THRB: variants seen among roughly 807,000 people sequenced by gnomAD.
THRB encodes the protein nuclear receptor subfamily 1 group A member 2.
In THRB, 12 loss-of-function variants were observed where a neutral mutation model predicts 47.8. The ratio of observed to expected loss-of-function variants is 0.25; its 90% CI spans 0.16 to 0.41. THRB has a LOEUF of 0.41. Among genes scored for constraint, THRB ranks in the 10% least tolerant of loss-of-function variants. THRB has a pLI of 1.00. For synonymous variants in THRB, 218 were observed against 212.2 expected (o/e 1.03, Z -0.24); for missense variants, 348 against 589.2 (o/e 0.59, Z 4.24).
intron 5 of THRB, among the ~76,000 whole-genome samples, chr3:24,161,464 G>A (rs1416745622): frequency 2.0e-5 from 3 of 152,046 alleles, no homozygotes; most frequent in Admixed American, 2.0e-4. Context: ...GATAGAGGAA[G>A]AAAGAGATGG....
intron 1 of THRB, among the ~76,000 whole-genome samples, chr3:24,356,309 C>G (rs1348458030): frequency 6.6e-6 from 1 of 152,122 alleles, no homozygotes; most frequent in Non-Finnish European, 1.5e-5. Flanking sequence ...TTCCACCGGA[C>G]AGTCCTAGAC....
chr3:24,347,254 GA>G (rs1281371782), intron 1 of THRB, among the ~76,000 whole-genome samples: 1 of 151,924 alleles, frequency 6.6e-6, no homozygotes, highest in Non-Finnish European at 1.5e-5. Context: ...TGAGTGGAGG[GA>G]AATTTCTATA....
At chr3:24,381,549 T>C (rs951102908) in intron 1 of THRB, among the ~76,000 whole-genome samples, 4 of 152,186 alleles carry the variant, frequency 2.6e-5, no homozygotes, top group Middle Eastern at 3.2e-3. Flanking sequence ...GAACTTACTG[T>C]CTTTATCAAA....
intron 4 of THRB, among the ~76,000 whole-genome samples, chr3:24,196,957 T>C (rs1229366858): frequency 6.6e-6 from 1 of 152,198 alleles, no homozygotes; most frequent in Non-Finnish European, 1.5e-5. Flanking sequence ...CCCTCCAAAC[T>C]TCCATCCCAC....
chr3:24,393,376 T>C (rs1480066076), intron 1 of THRB, among the ~76,000 whole-genome samples: 1 of 152,080 alleles, frequency 6.6e-6, no homozygotes, highest in African/African-American at 2.4e-5. Context: ...GCTCAAAGCC[T>C]TTTTCCAGTC....
At chr3:24,183,877 C>T (rs1323790116) in intron 5 of THRB, among the ~76,000 whole-genome samples, 1 of 152,054 alleles carries the variant, frequency 6.6e-6, no homozygotes, top group Non-Finnish European at 1.5e-5. Flanking sequence ...ATGATAATAA[C>T]ATTAAACAAA....
intron 1 of THRB, among the ~76,000 whole-genome samples, chr3:24,365,426 A>C (rs886264456): frequency 6.6e-6 from 1 of 152,204 alleles, no homozygotes; most frequent in South Asian, 2.1e-4. Context: ...GCTTTTCAAC[A>C]GACTGGAACT....
chr3:24,316,561 A>G (rs2058126142), intron 2 of THRB, among the ~76,000 whole-genome samples: 1 of 151,016 alleles, frequency 6.6e-6, no homozygotes, highest in African/African-American at 2.4e-5. Context: ...TGATGCCCCT[A>G]GAGTCTACAC....
At chr3:24,469,728 A>G (rs2074415264) in intron 1 of THRB, among the ~76,000 whole-genome samples, 1 of 152,264 alleles carries the variant, frequency 6.6e-6, no homozygotes, top group Admixed American at 6.5e-5. Context: ...TAACTTATTT[A>G]GAGAAAAGTG....
intron 4 of THRB, among the ~76,000 whole-genome samples, chr3:24,206,593 T>C (rs1413350423): frequency 1.3e-5 from 2 of 151,906 alleles, no homozygotes; most frequent in Non-Finnish European, 2.9e-5. Flanking sequence ...TTAAAAGAAC[T>C]AGGAGAAGCA....
rs2031929683 is a variant in THRB, at chr3:24,122,833, GA to G, written c.*50del. On this transcript the variant is annotated 3_prime_UTR_variant, in exon 11 of 11. Transcript: ENST00000646209. The stretch of plus-strand genomic sequence containing the variant: ...ACAAAAAAGAGCTAGGCAATGGAAT[GA>G]AATGACACCCAGTAGTGCTGTAGGA... 9 of 1,613,344 alleles carry G rather than the reference GA, an allele frequency of 5.6e-6. No individual in the cohort carries two copies. The highest frequency in any genetic ancestry group is 7.6e-6 in the Non-Finnish European group (9 of 1,179,340).
intron 1 of THRB, among the ~76,000 whole-genome samples, chr3:24,345,492 T>C (rs891586745): frequency 2.0e-5 from 3 of 152,120 alleles, no homozygotes; most frequent in Non-Finnish European, 4.4e-5. Context: ...ATAGACACTT[T>C]AGGCATGCAG....
At chr3:24,383,164 G>T (rs1385458976) in intron 1 of THRB, among the ~76,000 whole-genome samples, 1 of 152,046 alleles carries the variant, frequency 6.6e-6, no homozygotes, top group African/African-American at 2.4e-5. Flanking sequence ...AGGAAAGTTG[G>T]TAATATGTGT....
chr3:24,378,155 G>A (rs191454675), intron 1 of THRB, among the ~76,000 whole-genome samples: 1 of 152,150 alleles, frequency 6.6e-6, no homozygotes, highest in Admixed American at 6.5e-5. Flanking sequence ...TTTTCTCTCA[G>A]CCCAGCTGTC....
chr3:24,211,125 G>A (rs185844222), intron 4 of THRB, among the ~76,000 whole-genome samples: 2 of 151,136 alleles, frequency 1.3e-5, no homozygotes, highest in African/African-American at 4.9e-5. Flanking sequence ...ACTTGAACCT[G>A]GGAGGCAGAG....
chr3:24,393,034 A>G (rs946242225), intron 1 of THRB, among the ~76,000 whole-genome samples: 1 of 152,036 alleles, frequency 6.6e-6, no homozygotes, highest in Non-Finnish European at 1.5e-5. Flanking sequence ...GTTGTTCCCA[A>G]TTTTTGACAC....
Position 24,122,758 on chromosome 3 carries a change from A to G in THRB, c.*126T>C. 7.3e-7 allele frequency: 1 copy of G among 1,361,398 alleles called. No individual in the cohort carries two copies. The highest frequency in any genetic ancestry group is 1.0e-6 in the Non-Finnish European group (1 of 959,258). 84.3% of individuals were successfully genotyped at this position (1,361,398 alleles called of 1,614,324 possible). On this transcript the variant is annotated 3_prime_UTR_variant, in exon 11 of 11. Coordinates refer to ENST00000646209, the MANE Select transcript of THRB (RefSeq NM_001354712.2). ...AATTTCATCCATGTCTATGCCAAGGACTACTTCCCTTTTCCCTCCCAAATA... is the reference window on the plus strand; with the variant it reads ...AATTTCATCCATGTCTATGCCAAGGGCTACTTCCCTTTTCCCTCCCAAATA...
chr3:24,280,692 A>G (rs989537706), intron 3 of THRB, among the ~76,000 whole-genome samples: 6 of 152,160 alleles, frequency 3.9e-5, no homozygotes, highest in African/African-American at 1.4e-4. Context: ...ACTTTGAAAA[A>G]AACTTAGAAG....
intron 1 of THRB, among the ~76,000 whole-genome samples, chr3:24,453,732 A>C (rs557696096): frequency 6.6e-6 from 1 of 152,272 alleles, no homozygotes; most frequent in African/African-American, 2.4e-5. Context: ...GTGTATGTAA[A>C]CCGGCCCCTT....
Sources: allele counts gnomAD v4.1 joint callset (sites outside exome capture counted in the v4.1 genomes callset), GRCh38; gene constraint gnomAD v4.1.1; transcripts MANE v1.5; gene names NCBI Gene and HGNC (gene_info 2026-07-23, HGNC 2026-07-21).